Variants in PCSK5 observed in about 807,000 individuals in gnomAD.
The protein encoded by PCSK5 is prohormone convertase 5.
PCSK5 carries 129 observed loss-of-function variants against 233.2 expected under a neutral mutation model. That is an observed-to-expected ratio of 0.55 (90% confidence interval 0.48 to 0.64). The LOEUF (loss-of-function observed/expected upper bound fraction) is 0.64, where lower values mean the gene tolerates loss of function less well. PCSK5 is among the 30% of genes least tolerant of loss of function. The pLI is 0.00. For missense variants in PCSK5, 2,076 were observed against 2,430.1 expected (o/e 0.85, Z 3.06); for synonymous variants, 825 against 879.2 (o/e 0.94, Z 1.09).
At chr9:76,082,373 A>G (rs1457305928) in intron 7 of PCSK5, among the ~76,000 whole-genome samples, 1 of 152,212 alleles carries the variant, frequency 6.6e-6, no homozygotes, top group African/African-American at 2.4e-5. Flanking sequence ...TCAGCTGTAG[A>G]TGACCCCAGG....
In PCSK5 at chr9:76,183,564, G is replaced by A. The variant is rs187699460; in HGVS notation, c.2198-1109G>A. ...GAGACCCTGAATTTGCCCACTGGAG[G>A]TGCTTAAAGCAGAATGCAAATCTAG... is the stretch of plus-strand genomic sequence containing the variant. On this transcript the variant is annotated intron_variant, in intron 16 of 37. Coordinates refer to ENST00000674117, the MANE Select transcript of PCSK5 (RefSeq NM_001372043.1). 1.1e-3 allele frequency among the ~76,000 whole-genome samples: 175 copies of A among 152,334 alleles called. 1 individual carries two copies. Among genetic ancestry groups the A allele is most frequent in the African/African-American group, 3.8e-3 (157 of 41,576 alleles).
intron 24 of PCSK5, among the ~76,000 whole-genome samples, chr9:76,282,737 G>A (rs1827922944): frequency 6.6e-6 from 1 of 152,180 alleles, no homozygotes; most frequent in African/African-American, 2.4e-5. Context: ...CCCAGGTAGT[G>A]AGCATAGTAC....
chr9:76,343,692 G>A (rs2131505618), intron 35 of PCSK5, among the ~76,000 whole-genome samples: 1 of 152,024 alleles, frequency 6.6e-6, no homozygotes, highest in Non-Finnish European at 1.5e-5. Flanking sequence ...TGCTTTGCAT[G>A]GCTACCTCTT....
intron 3 of PCSK5, among the ~76,000 whole-genome samples, chr9:75,995,409 T>A (rs1172620900): frequency 6.6e-6 from 1 of 152,224 alleles, no homozygotes; most frequent in Non-Finnish European, 1.5e-5. Flanking sequence ...TTATTTGTGC[T>A]CATGTTTATA....
chr9:76,246,885 G>A (rs932078375), intron 24 of PCSK5, among the ~76,000 whole-genome samples: 1 of 152,204 alleles, frequency 6.6e-6, no homozygotes, highest in African/African-American at 2.4e-5. Context: ...ATGGTGGCAG[G>A]CCACTTCCAA....
chr9:76,235,887 C>T (rs1184582950), intron 22 of PCSK5, among the ~76,000 whole-genome samples: 4 of 152,200 alleles, frequency 2.6e-5, no homozygotes, highest in Admixed American at 6.5e-5. Flanking sequence ...AGATGGATGA[C>T]TTAATTGAAG....
chr9:76,068,080 C>T (rs1372430665), intron 6 of PCSK5, 37 bp downstream of exon 6: 1 of 1,429,518 alleles, frequency 7.0e-7, no homozygotes, highest in Admixed American at 1.7e-5. Flanking sequence ...TAGAAATGCG[C>T]CAGTTAGCTC....
intron 8 of PCSK5, among the ~76,000 whole-genome samples, chr9:76,099,956 A>C (rs561671368): frequency 6.6e-6 from 1 of 152,320 alleles, no homozygotes; most frequent in South Asian, 2.1e-4. Flanking sequence ...GAGGGAAAAA[A>C]ATCTCTCTGC....
intron 20 of PCSK5, among the ~76,000 whole-genome samples, chr9:76,212,807 G>C (rs1825380878): frequency 6.6e-6 from 1 of 152,122 alleles, no homozygotes; most frequent in Non-Finnish European, 1.5e-5. Context: ...TCTGAGGTAG[G>C]GTTATTTTTA....
intron 9 of PCSK5, among the ~76,000 whole-genome samples, chr9:76,113,326 T>C (rs1468567153): frequency 6.6e-6 from 1 of 152,188 alleles, no homozygotes; most frequent in Non-Finnish European, 1.5e-5. Flanking sequence ...TCACACCGTA[T>C]GCTGTTGATT....
intron 34 of PCSK5, among the ~76,000 whole-genome samples, chr9:76,333,912 A>G (rs548358342): frequency 1.3e-5 from 2 of 152,230 alleles, no homozygotes; most frequent in Non-Finnish European, 1.5e-5. Context: ...TAAGATGAGT[A>G]AAAGAAAGAC....
At chr9:76,064,356 G>A (rs1268233879) in intron 5 of PCSK5, among the ~76,000 whole-genome samples, 2 of 111,496 alleles carry the variant, frequency 1.8e-5, no homozygotes, top group African/African-American at 7.7e-5. Context: ...GGCCGGGCGG[G>A]GGGCTGACCC....
In PCSK5 at chr9:76,292,217, T is replaced by TG; in HGVS notation, c.3143-16_3143-15insG. On this transcript the variant is annotated splice_polypyrimidine_tract_variant and intron_variant, in intron 24 of 37. Transcript: ENST00000674117. ...ATTCCTCATGATTATTACTTTTTAT[T>TG]ATTTTTTTTTTCCAGATGATCCAGG... 1 of 1,439,608 alleles carries TG rather than the reference T, an allele frequency of 6.9e-7. No homozygotes were observed. Among genetic ancestry groups the TG allele is most frequent in the Non-Finnish European group, 9.6e-7 (1 of 1,041,460 alleles). 89.2% of individuals were successfully genotyped at this position (1,439,608 alleles called of 1,614,324 possible).
At chr9:76,214,333 T>G (rs1291902226) in intron 20 of PCSK5, among the ~76,000 whole-genome samples, 2 of 151,954 alleles carry the variant, frequency 1.3e-5, no homozygotes, top group Non-Finnish European at 2.9e-5. Context: ...CATATGTGTG[T>G]GTGCACGCAG....
chr9:76,064,994 CAT>C (rs1830231534), intron 5 of PCSK5, among the ~76,000 whole-genome samples: 1 of 152,202 alleles, frequency 6.6e-6, no homozygotes, highest in Admixed American at 6.5e-5. Context: ...GCCAGGATTT[CAT>C]TCTGTTTTAT....
At chr9:75,999,913 A>C (rs1256276114) in intron 3 of PCSK5, among the ~76,000 whole-genome samples, 2 of 152,260 alleles carry the variant, frequency 1.3e-5, no homozygotes, top group African/African-American at 4.8e-5. Context: ...ACAAAAGCCA[A>C]AATTGACAAA....
intron 24 of PCSK5, among the ~76,000 whole-genome samples, chr9:76,257,409 G>A (rs1167078384): frequency 6.6e-6 from 1 of 152,170 alleles, no homozygotes; most frequent in Non-Finnish European, 1.5e-5. Flanking sequence ...CAACAGGCTG[G>A]TCTCCAACTG....
chr9:75,955,146 C>T (rs577053372), intron 2 of PCSK5, among the ~76,000 whole-genome samples: 88 of 152,210 alleles, frequency 5.8e-4, no homozygotes, highest in Non-Finnish European at 1.1e-3. Context: ...TCGATGCTTC[C>T]GACAAACTTT....
At position 76,210,550 on chromosome 9, in the gene PCSK5, A is replaced by G. The variant is rs141414306; in HGVS notation, c.2627-16953A>G. On this transcript the variant is annotated intron_variant, in intron 20 of 37. Transcript: ENST00000674117. ...AGAGTCTGCTACAGTTTGTAAGGTGAGCAATAGAGGATGAGGGTAAAATTG... is the reference window on the plus strand; with the variant it reads ...AGAGTCTGCTACAGTTTGTAAGGTGGGCAATAGAGGATGAGGGTAAAATTG... Among the ~76,000 whole-genome samples the G allele has an allele frequency of 5.0e-3, 759 of 152,306 alleles. 7 individuals carry two copies. The highest frequency in any genetic ancestry group is 0.016 in the African/African-American group (661 of 41,550).
Sources: gnomAD v4.1 joint callset for allele counts (sites outside exome capture counted in the v4.1 genomes callset) on GRCh38, gnomAD v4.1.1 for gene constraint, MANE v1.5 for transcripts, NCBI Gene and HGNC (gene_info 2026-07-23, HGNC 2026-07-21) for gene names.